Variants in CNTN4 observed in about 807,000 individuals in gnomAD.
CNTN4 encodes contactin-4.
In CNTN4, 77 loss-of-function variants were observed where a neutral mutation model predicts 122.5. The observed-to-expected ratio is 0.63, with a 90% CI of 0.52 to 0.76. The LOEUF (loss-of-function observed/expected upper bound fraction) is 0.76, where lower values mean the gene tolerates loss of function less well. Among genes scored for constraint, CNTN4 ranks in the 30% least tolerant of loss-of-function variants. The probability of loss-of-function intolerance (pLI) is 0.00; values close to 1 mark genes in which losing one functional copy is unlikely to be tolerated. For synonymous variants in CNTN4, 512 were observed against 447.0 expected, an observed-to-expected ratio of 1.15 and a Z score of -1.83; for missense variants, 1,256 against 1,259.1, an observed-to-expected ratio of 1.00 and a Z score of 0.04.
At position 2,285,757 on chromosome 3, in the gene CNTN4, A is replaced by G. The variant is rs374943711; in HGVS notation, c.-144-53421A>G. On this transcript the variant is annotated intron_variant, in intron 2 of 24. Coordinates refer to ENST00000418658, the MANE Select transcript of CNTN4 (RefSeq NM_175607.3). The stretch of plus-strand genomic sequence containing the variant: ...TTATTTACTGAGATTTGTTTTTTCT[A>G]CACTTAAATAGGCACATAAATACAT... 3.9e-5 allele frequency among the ~76,000 whole-genome samples: 6 copies of G among 152,130 alleles called. No homozygotes were observed. The East Asian group carries it at 7.7e-4, about 20-fold the overall frequency.
At chr3:2,157,686 C>T (rs1486315656) in intron 2 of CNTN4, among the ~76,000 whole-genome samples, 3 of 151,990 alleles carry the variant, frequency 2.0e-5, no homozygotes, top group Non-Finnish European at 4.4e-5. Context: ...ACAATACTGG[C>T]CTAGAGGAGG....
intron 2 of CNTN4, among the ~76,000 whole-genome samples, chr3:2,300,836 T>C (rs1245237563): frequency 2.0e-5 from 3 of 152,070 alleles, no homozygotes; most frequent in Non-Finnish European, 4.4e-5. Flanking sequence ...CCCAAAGTGC[T>C]GGGATTACAG....
intron 4 of CNTN4, among the ~76,000 whole-genome samples, chr3:2,656,118 A>G (rs1011759298): frequency 1.3e-5 from 2 of 152,210 alleles, no homozygotes; most frequent in Non-Finnish European, 1.5e-5. Flanking sequence ...AGCACCATGC[A>G]TCCTAGGGAA....
chr3:2,636,853 A>G (rs977797114), intron 4 of CNTN4, among the ~76,000 whole-genome samples: 1 of 149,632 alleles, frequency 6.7e-6, no homozygotes. Context: ...ATACATCTCT[A>G]TATCAGTTTT....
intron 2 of CNTN4, among the ~76,000 whole-genome samples, chr3:2,205,316 A>G (rs1357852367): frequency 6.7e-6 from 1 of 149,654 alleles, no homozygotes; most frequent in Non-Finnish European, 1.5e-5. Context: ...GGGAAGTATA[A>G]TTACTAATTT....
rs114878941 is a variant in CNTN4 at position 2,621,382 on chromosome 3, G to C, written c.55+49824G>C. On this transcript the variant is annotated intron_variant, in intron 4 of 24. Coordinates refer to ENST00000418658, the MANE Select transcript of CNTN4 (RefSeq NM_175607.3). ...AACACCTGGAGAGGTCTTAACTTTT[G>C]TATCTTATAAAAACACCAAACACCA... 1.0e-3 allele frequency among the ~76,000 whole-genome samples: 155 copies of C among 152,040 alleles called. 1 individual carries two copies. The highest frequency in any genetic ancestry group is 3.6e-3 in the African/African-American group (148 of 41,456).
chr3:2,117,555 C>T (rs2033447649), intron 2 of CNTN4, among the ~76,000 whole-genome samples: 2 of 152,180 alleles, frequency 1.3e-5, no homozygotes, highest in Non-Finnish European at 2.9e-5. Context: ...AAAGTCCCAA[C>T]CCTCTAATTA....
intron 2 of CNTN4, among the ~76,000 whole-genome samples, chr3:2,139,895 G>A (rs1480576098): frequency 1.3e-5 from 2 of 152,226 alleles, no homozygotes; most frequent in Non-Finnish European, 2.9e-5. Context: ...CGGTTTGTCT[G>A]TGTACCCACC....
intron 12 of CNTN4, among the ~76,000 whole-genome samples, chr3:2,915,649 C>T (rs779175289): frequency 1.3e-5 from 2 of 152,090 alleles, no homozygotes; most frequent in Non-Finnish European, 2.9e-5. Flanking sequence ...ACTTTACAGT[C>T]AGAAAATTAA....
intron 4 of CNTN4, among the ~76,000 whole-genome samples, chr3:2,660,540 A>G (rs956083945): frequency 6.6e-6 from 1 of 152,188 alleles, no homozygotes; most frequent in African/African-American, 2.4e-5. Context: ...CCCTGCCATT[A>G]ATTGGCATAT....
chr3:2,920,170 T>A (rs1874963), intron 12 of CNTN4, among the ~76,000 whole-genome samples: 83,211 of 149,300 alleles, frequency 0.56, 23,264 homozygotes, highest in East Asian at 0.68. Context: ...CTCCAAAAGG[T>A]CACATACTGT....
At chr3:2,247,563 G>A (rs143089744) in intron 2 of CNTN4, among the ~76,000 whole-genome samples, 1 of 152,014 alleles carries the variant, frequency 6.6e-6, no homozygotes, top group East Asian at 1.9e-4. Flanking sequence ...CTAGATTTGC[G>A]AATTTCTTGT....
chr3:2,160,093 C>T (rs1174720752), intron 2 of CNTN4, among the ~76,000 whole-genome samples: 1 of 151,948 alleles, frequency 6.6e-6, no homozygotes, highest in East Asian at 1.9e-4. Context: ...TCCTAATTTG[C>T]TTATGGAAAA....
At chr3:2,501,336 G>C (rs2076589342) in intron 3 of CNTN4, among the ~76,000 whole-genome samples, 1 of 152,166 alleles carries the variant, frequency 6.6e-6, no homozygotes, top group Admixed American at 6.5e-5. Context: ...TTTGTTAACA[G>C]ATTTTACCCT....
intron 3 of CNTN4, among the ~76,000 whole-genome samples, chr3:2,387,523 G>C (rs1174616828): frequency 1.3e-5 from 2 of 151,902 alleles, no homozygotes; most frequent in East Asian, 3.8e-4. Flanking sequence ...CTTTTTTATT[G>C]TTTAAGAAAT....
chr3:2,446,157 ACC>A (rs1302372354), intron 3 of CNTN4, among the ~76,000 whole-genome samples: 1 of 152,136 alleles, frequency 6.6e-6, no homozygotes, highest in Non-Finnish European at 1.5e-5. Flanking sequence ...ATTCCCCTTA[ACC>A]TTGGAGAGAC....
chr3:3,049,555 G>A (rs948939719), intron 23 of CNTN4, among the ~76,000 whole-genome samples: 10 of 152,184 alleles, frequency 6.6e-5, no homozygotes, highest in African/African-American at 2.4e-4. Flanking sequence ...TAGCCACTTG[G>A]TGCTTCTGCC....
intron 13 of CNTN4, among the ~76,000 whole-genome samples, chr3:2,952,983 T>A (rs758219994): frequency 7.2e-5 from 11 of 152,228 alleles, no homozygotes; most frequent in Non-Finnish European, 1.3e-4. Flanking sequence ...ATTCTGCTCA[T>A]TTTGCACTTG....
At chr3:2,513,427 A>ATT (rs113813022) in intron 3 of CNTN4, among the ~76,000 whole-genome samples, 23 of 151,822 alleles carry the variant, frequency 1.5e-4, no homozygotes, top group African/African-American at 5.1e-4. Context: ...AGGTCCAGTG[A>ATT]TTTTTTTTAA....
Sources: allele counts gnomAD v4.1 joint callset (sites outside exome capture counted in the v4.1 genomes callset), GRCh38; gene constraint gnomAD v4.1.1; transcripts MANE v1.5; gene names NCBI Gene and HGNC (gene_info 2026-07-23, HGNC 2026-07-21).